The following CCSER1 variants were observed in gnomAD, a reference collection of about 807,000 sequenced individuals.
The protein encoded by CCSER1 is serine-rich coiled-coil domain-containing protein 1.
CCSER1 carries 41 observed loss-of-function variants against 82.0 expected under a neutral mutation model. The ratio of observed to expected loss-of-function variants is 0.50; its 90% CI spans 0.39 to 0.65. CCSER1 has a LOEUF of 0.65. Among genes scored for constraint, CCSER1 ranks in the 30% least tolerant of loss-of-function variants. CCSER1 has a pLI of 0.00. For synonymous variants in CCSER1, 414 were observed against 383.9 expected (o/e 1.08, Z -0.92); for missense variants, 1,119 against 1,064.2 (o/e 1.05, Z -0.72).
chr4:91,022,803 G>A (rs1422126021), intron 9 of CCSER1, among the ~76,000 whole-genome samples: 1 of 152,172 alleles, frequency 6.6e-6, no homozygotes, highest in African/African-American at 2.4e-5. Flanking sequence ...CTGCATAAAT[G>A]TCTTCTTTTA....
intron 10 of CCSER1, among the ~76,000 whole-genome samples, chr4:91,327,958 C>T (rs958181925): frequency 3.9e-5 from 6 of 152,162 alleles, no homozygotes; most frequent in African/African-American, 1.4e-4. Context: ...ATAAGTTCCT[C>T]ATCTCCATCT....
At chr4:90,472,787 T>G (rs1764567186) in intron 5 of CCSER1, among the ~76,000 whole-genome samples, 1 of 152,152 alleles carries the variant, frequency 6.6e-6, no homozygotes, top group South Asian at 2.1e-4. Flanking sequence ...TGAGAGTGAC[T>G]GTTCACAATA....
chr4:90,655,842 A>G (rs1259481893), intron 6 of CCSER1, among the ~76,000 whole-genome samples: 3 of 151,936 alleles, frequency 2.0e-5, no homozygotes, highest in Admixed American at 2.0e-4. Context: ...TTATCTGACA[A>G]ACTTAAACAA....
chr4:91,162,851 A>G (rs1560481163), intron 10 of CCSER1, among the ~76,000 whole-genome samples: 1 of 152,106 alleles, frequency 6.6e-6, no homozygotes, highest in African/African-American at 2.4e-5. Flanking sequence ...CTAGTGGACT[A>G]TCAATTTTGT....
At chr4:90,715,312 C>A (rs1400160648) in intron 6 of CCSER1, among the ~76,000 whole-genome samples, 1 of 151,988 alleles carries the variant, frequency 6.6e-6, no homozygotes, top group Non-Finnish European at 1.5e-5. Context: ...AATTTCTGAA[C>A]CTTCCAAACT....
At chr4:91,440,831 A>ATG (rs1560673753) in intron 10 of CCSER1, among the ~76,000 whole-genome samples, 7 of 152,352 alleles carry the variant, frequency 4.6e-5, no homozygotes, top group African/African-American at 1.7e-4. Flanking sequence ...ATCAGACAAT[A>ATG]CTACAAACAC....
intron 7 of CCSER1, among the ~76,000 whole-genome samples, chr4:90,734,409 T>A (rs1181611699): frequency 2.0e-5 from 3 of 152,150 alleles, no homozygotes; most frequent in Admixed American, 6.6e-5. Context: ...CTTTGGATAG[T>A]ATGGACATTT....
At chr4:90,178,946 T>G (rs1209821460) in intron 1 of CCSER1, among the ~76,000 whole-genome samples, 2 of 152,162 alleles carry the variant, frequency 1.3e-5, no homozygotes, top group Non-Finnish European at 2.9e-5. Flanking sequence ...CAAGGTGATT[T>G]TTTTCACCAT....
At chr4:91,361,666 G>C (rs1295113130) in intron 10 of CCSER1, among the ~76,000 whole-genome samples, 2 of 151,756 alleles carry the variant, frequency 1.3e-5, no homozygotes, top group Admixed American at 1.3e-4. Context: ...CATTATATTA[G>C]CAAGTAAGAG....
At chr4:91,028,145 T>C (rs964225225) in intron 9 of CCSER1, among the ~76,000 whole-genome samples, 1 of 152,036 alleles carries the variant, frequency 6.6e-6, no homozygotes, top group South Asian at 2.1e-4. Flanking sequence ...AAAATTTATA[T>C]GTAGTATGTT....
intron 8 of CCSER1, among the ~76,000 whole-genome samples, chr4:90,853,334 A>G (rs911068447): frequency 1.3e-5 from 2 of 152,162 alleles, no homozygotes; most frequent in African/African-American, 2.4e-5. Context: ...AATAAAAACA[A>G]AAATCTTTGG....
intron 10 of CCSER1, among the ~76,000 whole-genome samples, chr4:91,518,867 G>A (rs527990014): frequency 7.9e-5 from 12 of 152,314 alleles, no homozygotes; most frequent in African/African-American, 2.6e-4. Context: ...CTGTGGTCCT[G>A]AACCAGGGGC....
intron 1 of CCSER1, among the ~76,000 whole-genome samples, chr4:90,272,650 A>G: frequency 6.6e-6 from 1 of 152,214 alleles, no homozygotes; most frequent in Non-Finnish European, 1.5e-5. Context: ...AAGATATGGA[A>G]GAAACCTTCA....
chr4:90,919,089 TAAAAAAA>T (rs71596538), intron 8 of CCSER1, among the ~76,000 whole-genome samples: 2 of 87,222 alleles, frequency 2.3e-5, no homozygotes, highest in East Asian at 9.1e-4. Flanking sequence ...GTTTCCACAG[TAAAAAAA>T]AAAAAAAAAA....
chr4:90,903,159 G>T (rs1399176076), intron 8 of CCSER1, among the ~76,000 whole-genome samples: 2 of 152,066 alleles, frequency 1.3e-5, no homozygotes, highest in African/African-American at 4.8e-5. Flanking sequence ...GTTTGGCTGT[G>T]TCCCTCTCCA....
chr4:90,780,643 T>C, intron 7 of CCSER1: 1 of 1,369,758 alleles, frequency 7.3e-7, no homozygotes, highest in African/African-American at 1.5e-5. Context: ...TTATATTCAT[T>C]CAAATGATTC....
At chr4:90,568,451 G>T (rs1470686339) in intron 5 of CCSER1, among the ~76,000 whole-genome samples, 1 of 152,038 alleles carries the variant, frequency 6.6e-6, no homozygotes, top group Non-Finnish European at 1.5e-5. Context: ...GACACATTGT[G>T]TATTTTATCT....
At chr4:91,353,280 T>A (rs536167395) in intron 10 of CCSER1, among the ~76,000 whole-genome samples, 1 of 146,872 alleles carries the variant, frequency 6.8e-6, no homozygotes, top group African/African-American at 2.5e-5. Flanking sequence ...AGATTTCACA[T>A]GAAAGGGTCG....
intron 10 of CCSER1, among the ~76,000 whole-genome samples, chr4:91,093,427 T>C (rs1724179137): frequency 6.6e-6 from 1 of 152,242 alleles, no homozygotes; most frequent in Non-Finnish European, 1.5e-5. Context: ...GGTTTTCACA[T>C]AGCAAGCTTT....
Sources: allele counts gnomAD v4.1 joint callset (sites outside exome capture counted in the v4.1 genomes callset), GRCh38; gene constraint gnomAD v4.1.1; transcripts MANE v1.5; gene names NCBI Gene and HGNC (gene_info 2026-07-23, HGNC 2026-07-21).